The following GMDS variants were observed in gnomAD, a reference collection of about 807,000 sequenced individuals.
GMDS encodes the protein GDP-mannose 4,6 dehydratase.
GMDS carries 20 observed loss-of-function variants against 49.9 expected under a neutral mutation model. The ratio of observed to expected loss-of-function variants is 0.40; its 90% CI spans 0.28 to 0.58. The LOEUF is 0.58. Ranked by LOEUF, GMDS falls within the 20% of genes least tolerant of loss-of-function variation. The probability of loss-of-function intolerance (pLI) is 0.42; values close to 1 mark genes in which losing one functional copy is unlikely to be tolerated. For synonymous variants in GMDS, 177 were observed against 178.6 expected (o/e 0.99, Z 0.07); for missense variants, 362 against 481.4 (o/e 0.75, Z 2.32).
At chr6:1,790,163 A>G (rs1477919309) in intron 7 of GMDS, among the ~76,000 whole-genome samples, 1 of 152,206 alleles carries the variant, frequency 6.6e-6, no homozygotes, top group African/African-American at 2.4e-5. Flanking sequence ...TCACTTGGTG[A>G]GAAATCCAGA....
At chr6:1,781,616 T>C (rs866941543) in intron 7 of GMDS, among the ~76,000 whole-genome samples, 1 of 124,792 alleles carries the variant, frequency 8.0e-6, no homozygotes, top group African/African-American at 3.3e-5. Flanking sequence ...AAATCAAATG[T>C]GGTGATGGCT....
At chr6:2,155,080 T>C (rs138944371) in intron 1 of GMDS, among the ~76,000 whole-genome samples, 8 of 152,222 alleles carry the variant, frequency 5.3e-5, no homozygotes, top group African/African-American at 1.9e-4. Context: ...ATTTTTTATA[T>C]ACATTTCCCA....
At chr6:2,028,009 T>C (rs1325152816) in intron 4 of GMDS, among the ~76,000 whole-genome samples, 1 of 152,166 alleles carries the variant, frequency 6.6e-6, no homozygotes, top group Admixed American at 6.5e-5. Context: ...TTCAAAACTT[T>C]AAAGAAAAAC....
intron 9 of GMDS, among the ~76,000 whole-genome samples, chr6:1,630,281 C>T (rs541085027): frequency 4.6e-5 from 7 of 152,318 alleles, no homozygotes; most frequent in African/African-American, 1.7e-4. Flanking sequence ...GAGATGAGTG[C>T]GGCGGTCCTC....
At chr6:1,916,167 AC>A (rs749712665) in intron 7 of GMDS, among the ~76,000 whole-genome samples, 7 of 152,254 alleles carry the variant, frequency 4.6e-5, no homozygotes, top group Non-Finnish European at 7.4e-5. Context: ...TGTTTTTGCT[AC>A]CCCATTCTAG....
chr6:1,769,430 A>G (rs1045382766), intron 7 of GMDS, among the ~76,000 whole-genome samples: 6 of 152,242 alleles, frequency 3.9e-5, no homozygotes, highest in Admixed American at 2.0e-4. Flanking sequence ...AGCTATGAAA[A>G]CACAAACAAC....
chr6:1,868,858 A>G (rs1758573914), intron 7 of GMDS, among the ~76,000 whole-genome samples: 1 of 152,254 alleles, frequency 6.6e-6, no homozygotes, highest in African/African-American at 2.4e-5. Flanking sequence ...ATTTGAAATC[A>G]GAAAATTATG....
Position 2,162,802 on chromosome 6 carries a change from C to T in GMDS, c.103-38071G>A, listed in dbSNP as rs928068756. On this transcript the variant is annotated intron_variant, in intron 1 of 10. Transcript: ENST00000380815. ...GAAGTGGCCCTGGGTTGAGAGGAGA[C>T]AGCAGCAGTGATGCATACTTCCCAC... Among the ~76,000 whole-genome samples, 3 of 151,986 alleles carry T rather than the reference C, an allele frequency of 2.0e-5. No individual in the cohort carries two copies. The East Asian group carries it at 5.8e-4, about 29-fold the overall frequency.
intron 2 of GMDS, among the ~76,000 whole-genome samples, chr6:2,121,234 G>A (rs1775121622): frequency 6.6e-6 from 1 of 152,178 alleles, no homozygotes; most frequent in South Asian, 2.1e-4. Flanking sequence ...AGGGATAAAG[G>A]AGAATGATCC....
At chr6:2,235,705 G>A (rs1473373600) in intron 1 of GMDS, among the ~76,000 whole-genome samples, 4 of 151,942 alleles carry the variant, frequency 2.6e-5, no homozygotes, top group East Asian at 1.9e-4. Flanking sequence ...CCAGCTTCTC[G>A]GGAGGCTGAG....
intron 7 of GMDS, among the ~76,000 whole-genome samples, chr6:1,830,852 C>T (rs114155844): frequency 1.2e-3 from 185 of 152,260 alleles, no homozygotes; most frequent in African/African-American, 4.3e-3. Context: ...ACTCTTAGAA[C>T]CTCTTCGAGA....
intron 4 of GMDS, among the ~76,000 whole-genome samples, chr6:2,108,049 C>T (rs1010004936): frequency 1.3e-5 from 2 of 152,102 alleles, no homozygotes; most frequent in East Asian, 1.9e-4. Flanking sequence ...TAAACTATAT[C>T]GATTCATAAA....
chr6:1,884,575 G>A (rs1329795688), intron 7 of GMDS, among the ~76,000 whole-genome samples: 3 of 152,220 alleles, frequency 2.0e-5, no homozygotes, highest in Non-Finnish European at 4.4e-5. Context: ...CCACAGGCCT[G>A]CCATCAGAGC....
At chr6:2,128,215 C>A (rs1775557683) in intron 1 of GMDS, among the ~76,000 whole-genome samples, 1 of 150,436 alleles carries the variant, frequency 6.6e-6, no homozygotes, top group Non-Finnish European at 1.5e-5. Context: ...ACTCTTGTTG[C>A]CCAGGCTGGA....
intron 6 of GMDS, among the ~76,000 whole-genome samples, chr6:1,946,566 T>G (rs2628439): frequency 0.66 from 100,064 of 151,986 alleles, 33,108 homozygotes; most frequent in African/African-American, 0.74. Flanking sequence ...AAAATTCTAA[T>G]ATATTAGCTC....
chr6:1,691,719 A>G (rs1020997954), intron 9 of GMDS, among the ~76,000 whole-genome samples: 15 of 152,242 alleles, frequency 9.9e-5, no homozygotes, highest in Admixed American at 3.9e-4. Flanking sequence ...TATAATTAAC[A>G]TACAATAAAG....
intron 9 of GMDS, among the ~76,000 whole-genome samples, chr6:1,704,844 G>C (rs1331207476): frequency 6.6e-6 from 1 of 151,820 alleles, no homozygotes. Context: ...TATTGTTTTG[G>C]CGGCGGTGGA....
intron 7 of GMDS, among the ~76,000 whole-genome samples, chr6:1,813,613 G>A (rs1282926386): frequency 6.6e-6 from 1 of 152,148 alleles, no homozygotes; most frequent in Non-Finnish European, 1.5e-5. Flanking sequence ...AAAACAGAGA[G>A]AGCTCCAGAG....
At chr6:2,158,557 T>C (rs1197589409) in intron 1 of GMDS, among the ~76,000 whole-genome samples, 1 of 152,200 alleles carries the variant, frequency 6.6e-6, no homozygotes, top group Non-Finnish European at 1.5e-5. Context: ...TCAGAAGACA[T>C]CAAAATAGGA....
Sources: gnomAD v4.1 joint callset for allele counts (sites outside exome capture counted in the v4.1 genomes callset) on GRCh38, gnomAD v4.1.1 for gene constraint, MANE v1.5 for transcripts, NCBI Gene and HGNC (gene_info 2026-07-23, HGNC 2026-07-21) for gene names.